Variants in C17orf78 observed in about 807,000 individuals in gnomAD.
The protein encoded by C17orf78 is chromosome 17 open reading frame 78.
Under a neutral mutation model 31.8 loss-of-function variants are expected in C17orf78, and 27 were observed. The ratio of observed to expected loss-of-function variants is 0.85; its 90% CI spans 0.63 to 1.17. C17orf78 has a LOEUF of 1.17. Among genes scored for constraint, C17orf78 ranks in the 50% most tolerant of loss-of-function variants. The probability of loss-of-function intolerance (pLI) is 0.00; values close to 1 mark genes in which losing one functional copy is unlikely to be tolerated. For missense variants in C17orf78, 258 were observed against 315.2 expected (o/e 0.82, Z 1.37); for synonymous variants, 106 against 115.1 (o/e 0.92, Z 0.51).
chr17:37,387,992 G>A (rs533949564), intron 4 of C17orf78: 8 of 152,264 alleles, frequency 5.3e-5, no homozygotes, highest in African/African-American at 1.9e-4. Context: ...ATGAGACTCT[G>A]TCTGTATAAA....
intron 3 of C17orf78, among the ~76,000 whole-genome samples, chr17:37,381,874 G>A (rs755141492): frequency 2.2e-4 from 33 of 151,392 alleles, no homozygotes; most frequent in Admixed American, 7.2e-4. Flanking sequence ...TGATCTGCCC[G>A]CCTTGGCCTC....
chr17:37,380,363 C>G (rs71382467), intron 3 of C17orf78, among the ~76,000 whole-genome samples: 3,939 of 150,916 alleles, frequency 0.026, 105 homozygotes, highest in East Asian at 0.062. Context: ...CAGCATGGCA[C>G]ATGTATACAT....
intron 3 of C17orf78, among the ~76,000 whole-genome samples, chr17:37,382,736 T>C (rs778037324): frequency 2.6e-5 from 4 of 152,172 alleles, no homozygotes; most frequent in Non-Finnish European, 5.9e-5. Flanking sequence ...GGCGTGTGCC[T>C]GTAGTCCTAG....
At position 37,386,144 on chromosome 17, in the gene C17orf78, A is replaced by C; in HGVS notation, c.508+19A>C. On this transcript the variant is annotated intron_variant, in intron 4 of 6. Transcript: ENST00000615133. ...AGTACCGGTAATTTTTCTAGCTTTG[A>C]AATGACAAAGTACAGAATAAGTAGG... is the stretch of plus-strand genomic sequence containing the variant. The C allele has an allele frequency of 1.4e-6, 2 of 1,464,058 alleles. No homozygotes were observed. The highest frequency in any genetic ancestry group is 1.9e-6 in the Non-Finnish European group (2 of 1,060,018). The allele number at this position is 1,464,058 out of a possible 1,614,324, so 90.7% of individuals were successfully genotyped here.
chr17:37,384,549 C>A (rs2050443746), intron 3 of C17orf78, among the ~76,000 whole-genome samples: 1 of 151,438 alleles, frequency 6.6e-6, no homozygotes, highest in South Asian at 2.1e-4. Flanking sequence ...TTTACTATTA[C>A]CATCTTACAG....
rs2050137914 is a variant in C17orf78 at position 37,379,220 on chromosome 17, G to A, written c.229G>A (p.Val77Ile). ...TLQCLGSDSK[V>I]KVNLVYLERR... ...GCAGTGCCTTGGCTCTGACAGCAAAGTAAAAGTCAACCTTGTATATTTGGA... is the reference window on the plus strand; with the variant it reads ...GCAGTGCCTTGGCTCTGACAGCAAAATAAAAGTCAACCTTGTATATTTGGA... The change falls in exon 3 of 7, where the codon GTA (valine) becomes ATA (isoleucine). Residue 77 changes from valine to isoleucine, a missense_variant. By Grantham distance (29) the Val-to-Ile change is conservative. Transcript: ENST00000615133. The A allele has an allele frequency of 6.2e-7, 1 of 1,613,994 alleles. No homozygotes were observed. Among genetic ancestry groups the A allele is most frequent in the Non-Finnish European group, 8.5e-7 (1 of 1,179,900 alleles).
chr17:37,379,301 C>T lies in C17orf78; in HGVS notation c.310C>T (p.Arg104Cys), dbSNP rs373038519. The T allele has an allele frequency of 1.2e-5, 20 of 1,613,858 alleles. No individual in the cohort carries two copies. The highest frequency in any genetic ancestry group is 1.1e-4 in the African/African-American group (8 of 74,924). The change falls in exon 3 of 7, where the codon CGC becomes TGC. Residue 104 changes from arginine (R) to cysteine (C), a missense_variant. By Grantham distance (180) the Arg-to-Cys change is radical. Transcript: ENST00000615133. ...GAACCTGAGAATCATTGCTGCTCCC[C>T]GCAGAAACAGCTCTGCCTCCTCAAG... ...LKNLRIIAAP[R>C]RNSSASSSCH...
rs2050914773 is a variant in C17orf78 at position 37,392,253 on chromosome 17, C to G, written c.*529C>G. 6.5e-6 allele frequency: 1 copy of G among 153,502 alleles called. No homozygotes were observed. The highest frequency in any genetic ancestry group is 1.5e-5 in the Non-Finnish European group (1 of 68,954). 9.5% of individuals were successfully genotyped at this position (153,502 alleles called of 1,614,324 possible). A position where few individuals can be genotyped will look rare whatever the true frequency, so the allele number is the denominator to read the frequency against. The stretch of plus-strand genomic sequence containing the variant: ...GAAGGGAACTTGACCCTACGCATTC[C>G]AAAAGCCTTCCTCATAAGTTATCCC... On this transcript the variant is annotated 3_prime_UTR_variant, in exon 7 of 7. Transcript: ENST00000615133.
chr17:37,389,657 A>T (rs935815682), intron 6 of C17orf78, among the ~76,000 whole-genome samples: 8 of 152,112 alleles, frequency 5.3e-5, no homozygotes, highest in Admixed American at 5.2e-4. Flanking sequence ...ATTGTACTCC[A>T]GCCTGGGCAA....
chr17:37,384,822 T>A (rs1046707732), intron 3 of C17orf78, among the ~76,000 whole-genome samples: 1 of 152,236 alleles, frequency 6.6e-6, no homozygotes, highest in Admixed American at 6.5e-5. Flanking sequence ...CCTGGTACTA[T>A]GGCCACTGGC....
At chr17:37,391,128 C>T (rs2050865066) in intron 6 of C17orf78, among the ~76,000 whole-genome samples, 1 of 152,146 alleles carries the variant, frequency 6.6e-6, no homozygotes, top group Non-Finnish European at 1.5e-5. Flanking sequence ...ATCCCAGCTA[C>T]TCAGGAGGCT....
chr17:37,379,522 A>C, intron 3 of C17orf78, 140 bp downstream of exon 3: 1 of 1,247,214 alleles, frequency 8.0e-7, no homozygotes, highest in Non-Finnish European at 1.1e-6. Context: ...TTTTTCTTGT[A>C]AATTTGTTTG....
intron 3 of C17orf78, among the ~76,000 whole-genome samples, chr17:37,380,712 C>T (rs1353264821): frequency 6.6e-6 from 1 of 152,042 alleles, no homozygotes; most frequent in Non-Finnish European, 1.5e-5. Flanking sequence ...ATTCTCCTGC[C>T]TCAGCCTCCC....
At chr17:37,383,682 G>A (rs1330543793) in intron 3 of C17orf78, among the ~76,000 whole-genome samples, 1 of 152,090 alleles carries the variant, frequency 6.6e-6, no homozygotes, top group African/African-American at 2.4e-5. Context: ...CGAGTAGCTG[G>A]GATTACAGCA....
intron 3 of C17orf78, among the ~76,000 whole-genome samples, chr17:37,381,874 G>C (rs755141492): frequency 2.6e-5 from 4 of 151,274 alleles, no homozygotes; most frequent in South Asian, 2.1e-4. Flanking sequence ...TGATCTGCCC[G>C]CCTTGGCCTC....
chr17:37,389,908 T>C lies in C17orf78; in HGVS notation c.750+546T>C, dbSNP rs541739272. On this transcript the variant is annotated intron_variant, in intron 6 of 6. Transcript: ENST00000615133. ...TAACATCAGTCCAGACATGATACAA[T>C]AGGGTGCTTATTGAATACACATACC... Among the ~76,000 whole-genome samples the C allele has an allele frequency of 8.4e-4, 126 of 150,674 alleles. No homozygotes were observed. In the South Asian group the frequency reaches 0.026, roughly 31 times the overall value.
chr17:37,379,084 C>T lies in C17orf78; in HGVS notation c.146-53C>T. On this transcript the variant is annotated intron_variant, in intron 2 of 6. Coordinates refer to ENST00000615133, the MANE Select transcript of C17orf78 (RefSeq NM_173625.5). Reference sequence around the variant, plus strand: ...AAGGCACCGTCTCAAAAAAACCAACCAAACAAAAAACAAAACCAGCTCCAT... The same window carrying T: ...AAGGCACCGTCTCAAAAAAACCAACTAAACAAAAAACAAAACCAGCTCCAT... The T allele has an allele frequency of 1.9e-6, 3 of 1,555,080 alleles. No homozygotes were observed. In the South Asian group the frequency reaches 3.7e-5, roughly 19 times the overall value.
chr17:37,391,768 C>T lies in C17orf78; in HGVS notation c.*44C>T. ...AAAGACTGAATGATACTACACAGTC[C>T]TCTCCCTATTAATATGGGCACATTC... On this transcript the variant is annotated 3_prime_UTR_variant, in exon 7 of 7. Transcript: ENST00000615133. 4 of 1,522,592 alleles carry T rather than the reference C, an allele frequency of 2.6e-6. No individual in the cohort carries two copies. The highest frequency in any genetic ancestry group is 3.6e-6 in the Non-Finnish European group (4 of 1,098,430). The allele number at this position is 1,522,592 out of a possible 1,614,324, so 94.3% of individuals were successfully genotyped here.
chr17:37,389,003 C>T (rs1430946684), intron 5 of C17orf78, among the ~76,000 whole-genome samples: 1 of 152,134 alleles, frequency 6.6e-6, no homozygotes, highest in African/African-American at 2.4e-5. Flanking sequence ...ATGATATTTG[C>T]CTCTCATGGT....
Sources: allele counts gnomAD v4.1 joint callset (sites outside exome capture counted in the v4.1 genomes callset), GRCh38; gene constraint gnomAD v4.1.1; transcripts MANE v1.5; gene names NCBI Gene and HGNC (gene_info 2026-07-23, HGNC 2026-07-21).